Variants in MTMR7 observed in about 807,000 individuals in gnomAD.
The protein encoded by MTMR7 is myotubularin related protein 7.
In MTMR7, 76 loss-of-function variants were observed where a neutral mutation model predicts 81.2. The observed-to-expected ratio is 0.94, with a 90% CI of 0.78 to 1.13. MTMR7 has a LOEUF of 1.13. Ranked by LOEUF, MTMR7 falls within the 50% of genes most tolerant of loss-of-function variation. The pLI is 0.00. For synonymous variants in MTMR7, 372 were observed against 289.8 expected (o/e 1.28, Z -2.88); for missense variants, 1,044 against 820.0 (o/e 1.27, Z -3.34).
Position 17,313,380 on chromosome 8 carries a change from G to T in MTMR7, c.887C>A (p.Ser296Tyr). 6.2e-7 allele frequency: 1 copy of T among 1,611,698 alleles called. No homozygotes were observed. Among genetic ancestry groups the T allele is most frequent in the Non-Finnish European group, 8.5e-7 (1 of 1,178,294 alleles). ...CAGACCCCACAGGAAATCACTCATGGAGGGAGATTTAAGTTCACACACTGC... is the reference window on the plus strand; with the variant it reads ...CAGACCCCACAGGAAATCACTCATGTAGGGAGATTTAAGTTCACACACTGC... ...MLEVCELKSP[S>Y]MSDFLWGLEN... Residue 296 changes from serine (S) to tyrosine (Y), a missense_variant, in exon 8 of 14, where the codon TCC becomes TAC. Physicochemically the swap from Ser to Tyr is moderately radical, Grantham distance 144 (BLOSUM62 -2). Transcript: ENST00000180173.
intron 1 of MTMR7, among the ~76,000 whole-genome samples, chr8:17,382,883 A>T (rs1050108567): frequency 6.6e-6 from 1 of 152,236 alleles, no homozygotes; most frequent in Admixed American, 6.5e-5. Context: ...CAGTTAATGT[A>T]GTTCTATTAC....
At position 17,371,072 on chromosome 8, in the gene MTMR7, T is replaced by A; in HGVS notation, c.275A>T (p.Asp92Val). The A allele has an allele frequency of 6.2e-7, 1 of 1,614,144 alleles. No individual in the cohort carries two copies. Among genetic ancestry groups the A allele is most frequent in the East Asian group, 2.2e-5 (1 of 44,880 alleles). The part of the protein sequence containing the change: ...LIIPQERDCH[D>V]VYISLIRLAR... Reference sequence around the variant, plus strand: ...AAGGCGTATCAGGGAGATGTACACGTCGTGGCAATCTCTTTCCTGAGGTAT... The same window carrying A: ...AAGGCGTATCAGGGAGATGTACACGACGTGGCAATCTCTTTCCTGAGGTAT... The change falls in exon 3 of 14, where the codon GAC (aspartate) becomes GTC (valine). Residue 92 changes from aspartate (D) to valine (V), a missense_variant. Transcript: ENST00000180173.
At chr8:17,407,423 T>G (rs1821619603) in intron 1 of MTMR7, among the ~76,000 whole-genome samples, 1 of 152,174 alleles carries the variant, frequency 6.6e-6, no homozygotes, top group Admixed American at 6.5e-5. Flanking sequence ...CGGAAAGTCA[T>G]TTGGTAATAT....
chr8:17,376,328 C>A (rs769703000), intron 1 of MTMR7, among the ~76,000 whole-genome samples: 22 of 152,160 alleles, frequency 1.4e-4, no homozygotes, highest in African/African-American at 3.4e-4. Context: ...TTTCATTTAC[C>A]AATTCATCAG....
At chr8:17,412,158 G>C (rs1221259287) in intron 1 of MTMR7, among the ~76,000 whole-genome samples, 1 of 152,172 alleles carries the variant, frequency 6.6e-6, no homozygotes, top group Non-Finnish European at 1.5e-5. Flanking sequence ...CAAACTAAAA[G>C]ATTTCTTCTT....
At chr8:17,323,906 G>A (rs1399012293) in intron 7 of MTMR7, among the ~76,000 whole-genome samples, 1 of 152,134 alleles carries the variant, frequency 6.6e-6, no homozygotes, top group Admixed American at 6.5e-5. Flanking sequence ...TTGGTTAACA[G>A]AACAATAATT....
rs74769032 is a variant in MTMR7, at chr8:17,306,352, G to A, written c.1152-395C>T. ...AACTTTAAGGCTCTTCATTTTTTGC[G>A]CTGTTTTGTTGGGAAGGGATGAGGA... On this transcript the variant is annotated intron_variant, in intron 10 of 13. Transcript: ENST00000180173. Among the ~76,000 whole-genome samples, 808 of 151,536 alleles carry A rather than the reference G, an allele frequency of 5.3e-3. 9 individuals carry two copies. Among genetic ancestry groups the A allele is most frequent in the African/African-American group, 0.018 (752 of 41,326 alleles).
At chr8:17,392,646 C>A (rs59568883) in intron 1 of MTMR7, among the ~76,000 whole-genome samples, 1 of 152,200 alleles carries the variant, frequency 6.6e-6, no homozygotes, top group Non-Finnish European at 1.5e-5. Flanking sequence ...TTCCTAAAAT[C>A]CATGTGTTTG....
At chr8:17,326,170 G>C (rs1453553249) in intron 7 of MTMR7, 2 of 152,148 alleles carry the variant, frequency 1.3e-5, no homozygotes, top group African/African-American at 4.8e-5. Context: ...AGGCAGAAAA[G>C]CCTGGTGGTT....
chr8:17,358,639 C>G (rs1333536003), intron 4 of MTMR7, among the ~76,000 whole-genome samples: 2 of 152,058 alleles, frequency 1.3e-5, no homozygotes, highest in South Asian at 4.1e-4. Context: ...AAAACATTCC[C>G]CAAATATGAA....
At chr8:17,318,089 C>T (rs1198506055) in intron 7 of MTMR7, among the ~76,000 whole-genome samples, 3 of 152,106 alleles carry the variant, frequency 2.0e-5, no homozygotes, top group Admixed American at 6.5e-5. Context: ...CTCATGCACT[C>T]AGGATGATGA....
chr8:17,381,791 T>TA (rs1820769457), intron 1 of MTMR7, among the ~76,000 whole-genome samples: 2 of 152,212 alleles, frequency 1.3e-5, no homozygotes, highest in African/African-American at 4.8e-5. Context: ...AGCAGCTAGA[T>TA]AAATAGTTTG....
At position 17,340,232 on chromosome 8, in the gene MTMR7, C is replaced by T. The variant is rs867417221; in HGVS notation, c.732+1131G>A. 2.5e-4 allele frequency among the ~76,000 whole-genome samples: 38 copies of T among 152,352 alleles called. 1 individual carries two copies. Among genetic ancestry groups the T allele is most frequent in the African/African-American group, 7.9e-4 (33 of 41,584 alleles). On this transcript the variant is annotated intron_variant, in intron 6 of 13. Coordinates refer to ENST00000180173, the MANE Select transcript of MTMR7 (RefSeq NM_004686.5). ...CCTCCCAAAGTGCTGGGATTACAGGCACAAGCCACTGCGCCCAGCCCCAAT... is the reference window on the plus strand; with the variant it reads ...CCTCCCAAAGTGCTGGGATTACAGGTACAAGCCACTGCGCCCAGCCCCAAT...
At chr8:17,347,238 G>C (rs765286099) in intron 5 of MTMR7, among the ~76,000 whole-genome samples, 1 of 151,308 alleles carries the variant, frequency 6.6e-6, no homozygotes, top group Non-Finnish European at 1.5e-5. Flanking sequence ...CCTCTAACCA[G>C]TGCTCCAGCT....
chr8:17,314,632 G>C (rs947845954), intron 7 of MTMR7, among the ~76,000 whole-genome samples: 1 of 152,178 alleles, frequency 6.6e-6, no homozygotes, highest in South Asian at 2.1e-4. Context: ...AAAAGCACAA[G>C]TAGTTAAATT....
At chr8:17,336,609 C>A (rs1012261960) in intron 6 of MTMR7, among the ~76,000 whole-genome samples, 1 of 152,196 alleles carries the variant, frequency 6.6e-6, no homozygotes, top group East Asian at 1.9e-4. Context: ...TCCTGTTACA[C>A]AACTAAAACC....
At chr8:17,365,415 C>G (rs899152712) in intron 3 of MTMR7, among the ~76,000 whole-genome samples, 16 of 152,254 alleles carry the variant, frequency 1.1e-4, no homozygotes, top group Admixed American at 2.0e-4. Context: ...TTTACAGAAT[C>G]TGAACAGAGA....
At chr8:17,372,592 ATAATAT>A (rs1449788125) in intron 2 of MTMR7, among the ~76,000 whole-genome samples, 1 of 152,008 alleles carries the variant, frequency 6.6e-6, no homozygotes, top group African/African-American at 2.4e-5. Context: ...CATCTCAAAA[ATAATAT>A]TAATAATAAT....
In MTMR7 at chr8:17,408,198, G is replaced by A. The variant is rs986773699; in HGVS notation, c.24+5071C>T. The stretch of plus-strand genomic sequence containing the variant: ...GAGGTCAGGAGATCGAGACCATCCC[G>A]GCTAAAACGGTGAAACCCCGTCTCT... On this transcript the variant is annotated intron_variant, in intron 1 of 13. Coordinates refer to ENST00000180173, the MANE Select transcript of MTMR7 (RefSeq NM_004686.5). 9.0e-5 allele frequency among the ~76,000 whole-genome samples: 6 copies of A among 66,748 alleles called. 1 individual carries two copies. The South Asian group carries it at 2.0e-3, about 22-fold the overall frequency. The allele number at this position is 66,748 out of a possible 152,430, so 43.8% of individuals were successfully genotyped here. A position where few individuals can be genotyped will look rare whatever the true frequency, so the allele number is the denominator to read the frequency against.
Sources: allele counts gnomAD v4.1 joint callset (sites outside exome capture counted in the v4.1 genomes callset), GRCh38; gene constraint gnomAD v4.1.1; transcripts MANE v1.5; gene names NCBI Gene and HGNC (gene_info 2026-07-23, HGNC 2026-07-21).